RBM33: variants seen among roughly 807,000 people sequenced by gnomAD.
RBM33 encodes RNA binding motif protein 33, also known as RNA-binding protein 33.
In RBM33, 28 loss-of-function variants were observed where a neutral mutation model predicts 132.6. The ratio of observed to expected loss-of-function variants is 0.21; its 90% CI spans 0.16 to 0.29. The LOEUF (loss-of-function observed/expected upper bound fraction) is 0.29. Ranked by LOEUF, RBM33 falls within the 10% of genes least tolerant of loss-of-function variation. RBM33 has a pLI of 1.00. For missense variants in RBM33, 1,291 were observed against 1,518.5 expected (o/e 0.85, Z 2.49); for synonymous variants, 634 against 593.0 (o/e 1.07, Z -1.01).
At position 155,672,767 on chromosome 7, in the gene RBM33, G is replaced by C. The variant is rs1182463466; in HGVS notation, c.123-100G>C. 16 of 560,730 alleles carry C rather than the reference G, an allele frequency of 2.9e-5. No homozygotes were observed. In the Admixed American group the frequency reaches 5.2e-4, roughly 18 times the overall value. 34.7% of individuals were successfully genotyped at this position (560,730 alleles called of 1,614,324 possible). On this transcript the variant is annotated intron_variant, in intron 2 of 17. Coordinates refer to ENST00000401878, the MANE Select transcript of RBM33 (RefSeq NM_053043.3). ...CTCAAAAAAAAAAAAAAAAAAAAAG[G>C]TACCTGAGCTGTAGAGTTCTTGGTA...
At chr7:155,676,788 T>C (rs1043851501) in intron 3 of RBM33, among the ~76,000 whole-genome samples, 4 of 152,234 alleles carry the variant, frequency 2.6e-5, no homozygotes, top group Non-Finnish European at 5.9e-5. Context: ...CCATTCCAGC[T>C]TTCTCAGTGA....
At chr7:155,682,355 C>G (rs557125175) in intron 5 of RBM33, among the ~76,000 whole-genome samples, 40 of 152,038 alleles carry the variant, frequency 2.6e-4, no homozygotes, top group Non-Finnish European at 4.9e-4. Context: ...TTCCATAACC[C>G]TGTAATAATT....
intron 11 of RBM33, 73 bp downstream of exon 11, chr7:155,738,476 A>G: frequency 7.3e-7 from 1 of 1,379,026 alleles, no homozygotes; most frequent in Non-Finnish European, 9.8e-7. Flanking sequence ...AAAGTTTCAG[A>G]TTTTTATTTG....
At chr7:155,703,215 G>T (rs1800017665) in intron 6 of RBM33, among the ~76,000 whole-genome samples, 2 of 152,072 alleles carry the variant, frequency 1.3e-5, no homozygotes, top group Non-Finnish European at 2.9e-5. Flanking sequence ...TCTTTCCAAG[G>T]TCATTGACAA....
chr7:155,673,413 T>G (rs200774192), intron 3 of RBM33, among the ~76,000 whole-genome samples: 7,388 of 29,142 alleles, frequency 0.25, 418 homozygotes, highest in African/African-American at 0.32. Flanking sequence ...TGTGTGTGTG[T>G]GTGTGTGTGT....
chr7:155,731,665 T>C (rs557763914), intron 9 of RBM33, among the ~76,000 whole-genome samples: 10 of 152,316 alleles, frequency 6.6e-5, no homozygotes, highest in African/African-American at 2.4e-4. Context: ...GAAAGGTGTA[T>C]GGTGTAAAAC....
Position 155,738,332 on chromosome 7 carries a change from C to G in RBM33, c.1666C>G (p.Pro556Ala). ...GTCGGCAACCACACGGCCCTTCATT[C>G]CTCCTAGACAGCCGTTCCTGCCAGG... is the stretch of plus-strand genomic sequence containing the variant. ...PGSATTRPFI[P>A]PRQPFLPGPG... The change falls in exon 11 of 18, where the codon CCT (proline) becomes GCT (alanine). Residue 556 changes from proline to alanine, a missense_variant. Physicochemically the swap from Pro to Ala is conservative, Grantham distance 27. This residue lies in a region of RBM33 where 841 missense variants were observed against 912.0 expected (regional missense o/e 0.92). Coordinates refer to ENST00000401878, the MANE Select transcript of RBM33 (RefSeq NM_053043.3). 1 of 1,614,004 alleles carries G rather than the reference C, an allele frequency of 6.2e-7. No individual in the cohort carries two copies. Among genetic ancestry groups the G allele is most frequent in the Non-Finnish European group, 8.5e-7 (1 of 1,179,892 alleles).
chr7:155,773,203 T>C (rs10264279), intron 16 of RBM33, among the ~76,000 whole-genome samples: 26,837 of 152,160 alleles, frequency 0.18, 2,414 homozygotes, highest in East Asian at 0.28. Context: ...AAGTGCCTGC[T>C]GAATGCAGTC....
At chr7:155,653,476 G>T (rs769197546) in intron 1 of RBM33, among the ~76,000 whole-genome samples, 11 of 151,976 alleles carry the variant, frequency 7.2e-5, no homozygotes, top group African/African-American at 2.4e-4. Context: ...GGCTTATAGC[G>T]GGGGTGGGGG....
At chr7:155,699,710 T>C (rs1799904640) in intron 5 of RBM33, among the ~76,000 whole-genome samples, 1 of 152,196 alleles carries the variant, frequency 6.6e-6, no homozygotes, top group African/African-American at 2.4e-5. Flanking sequence ...GGAGGATTTA[T>C]AGTAGAGTGT....
At chr7:155,742,627 C>A (rs886105022) in intron 13 of RBM33, among the ~76,000 whole-genome samples, 2 of 152,200 alleles carry the variant, frequency 1.3e-5, no homozygotes, top group African/African-American at 4.8e-5. Context: ...CTATTAACCT[C>A]TAGAAGATAG....
At chr7:155,690,707 T>C (rs1262460131) in intron 5 of RBM33, among the ~76,000 whole-genome samples, 1 of 152,188 alleles carries the variant, frequency 6.6e-6, no homozygotes, top group Non-Finnish European at 1.5e-5. Flanking sequence ...TAAAGAATTT[T>C]ATTTCTCCTT....
intron 14 of RBM33, among the ~76,000 whole-genome samples, chr7:155,754,835 C>G (rs1801796685): frequency 1.3e-5 from 2 of 152,184 alleles, no homozygotes; most frequent in Admixed American, 1.3e-4. Flanking sequence ...TCTGTCCAAC[C>G]TGGTCTCTCT....
chr7:155,673,766 GCGCACACACACACA>G (rs1354306823), intron 3 of RBM33, among the ~76,000 whole-genome samples: 3 of 120,302 alleles, frequency 2.5e-5, no homozygotes, highest in East Asian at 2.3e-4. Flanking sequence ...GCGCGCATGC[GCGCACACACACACA>G]CACACACACA....
At chr7:155,695,381 G>A (rs1321662215) in intron 5 of RBM33, among the ~76,000 whole-genome samples, 1 of 152,104 alleles carries the variant, frequency 6.6e-6, no homozygotes, top group East Asian at 1.9e-4. Flanking sequence ...TATATTCTGG[G>A]TATCATTCCA....
intron 1 of RBM33, among the ~76,000 whole-genome samples, chr7:155,652,879 C>T (rs1228011050): frequency 6.6e-6 from 1 of 151,978 alleles, no homozygotes; most frequent in Non-Finnish European, 1.5e-5. Context: ...TATTTGTATT[C>T]TAAAGGAAAA....
At chr7:155,682,502 T>C (rs1175541370) in intron 5 of RBM33, among the ~76,000 whole-genome samples, 1 of 152,234 alleles carries the variant, frequency 6.6e-6, no homozygotes, top group Non-Finnish European at 1.5e-5. Flanking sequence ...TGTGCCTAGT[T>C]ATTGCCTAGT....
intron 9 of RBM33, among the ~76,000 whole-genome samples, chr7:155,723,167 A>G (rs1290369505): frequency 6.6e-6 from 1 of 152,224 alleles, no homozygotes; most frequent in African/African-American, 2.4e-5. Flanking sequence ...AGGCCATTTC[A>G]TGCAAATCAT....
intron 9 of RBM33, among the ~76,000 whole-genome samples, chr7:155,735,534 G>C (rs1050116596): frequency 1.3e-5 from 2 of 151,538 alleles, no homozygotes; most frequent in Admixed American, 6.6e-5. Context: ...GCAAGACCCT[G>C]CCTCTACAAA....
Sources: gnomAD v4.1 joint callset for allele counts (sites outside exome capture counted in the v4.1 genomes callset) on GRCh38, gnomAD v4.1.1 for gene constraint, gnomAD v4.1.1 regional missense constraint, MANE v1.5 for transcripts, NCBI Gene and HGNC (gene_info 2026-07-23, HGNC 2026-07-21) for gene names.